Variants in SAMD12 observed in about 807,000 individuals in gnomAD.
The protein encoded by SAMD12 is sterile alpha motif domain containing 12, also known as sterile alpha motif domain-containing protein 12.
SAMD12 carries 9 observed loss-of-function variants against 15.0 expected under a neutral mutation model. The ratio of observed to expected loss-of-function variants is 0.60; its 90% confidence interval spans 0.36 to 1.05. SAMD12 has a LOEUF of 1.05. Ranked by LOEUF, SAMD12 falls within the 50% of genes least tolerant of loss-of-function variation. The pLI is 0.01. For synonymous variants in SAMD12, 86 were observed against 90.1 expected (o/e 0.96, Z 0.25); for missense variants, 230 against 234.2 (o/e 0.98, Z 0.12).
In SAMD12 at chr8:118,621,785, T is replaced by C; in HGVS notation, c.13+19A>G. 6.2e-7 allele frequency: 1 copy of C among 1,613,806 alleles called. No individual in the cohort carries two copies. The highest frequency in any genetic ancestry group is 1.3e-5 in the African/African-American group (1 of 75,036). ...CGCGGGTTAAGAGGGAGCTTAAAAA[T>C]GCCCCAAGCGTCCCTTACCTTCCAC... On this transcript the variant is annotated intron_variant, in intron 1 of 3. Coordinates refer to ENST00000314727, the MANE Select transcript of SAMD12 (RefSeq NM_207506.3).
At chr8:118,494,445 G>A (rs2131022932) in intron 2 of SAMD12, among the ~76,000 whole-genome samples, 1 of 152,294 alleles carries the variant, frequency 6.6e-6, no homozygotes, top group South Asian at 2.1e-4. Flanking sequence ...TGTGCTAAAT[G>A]TGTCATGCAT....
intron 2 of SAMD12, among the ~76,000 whole-genome samples, chr8:118,502,931 C>T (rs1367668750): frequency 6.6e-6 from 1 of 152,158 alleles, no homozygotes; most frequent in Non-Finnish European, 1.5e-5. Flanking sequence ...ATTTCTCCCC[C>T]CTTATGGAAG....
intron 3 of SAMD12, among the ~76,000 whole-genome samples, chr8:118,432,503 C>G (rs780127042): frequency 1.3e-5 from 2 of 152,200 alleles, no homozygotes; most frequent in African/African-American, 2.4e-5. Flanking sequence ...AGTTTCTAAC[C>G]TGGGAACCTA....
chr8:118,141,525 G>A, the SAMD12 span, among the ~76,000 whole-genome samples: 1 of 152,278 alleles, frequency 6.6e-6, no homozygotes, highest in Admixed American at 6.5e-5. Context: ...TTGAGCCAAT[G>A]CCCCATACAC....
intron 2 of SAMD12, among the ~76,000 whole-genome samples, chr8:118,486,219 C>T (rs758822440): frequency 6.6e-6 from 1 of 151,936 alleles, no homozygotes; most frequent in Non-Finnish European, 1.5e-5. Flanking sequence ...TAGAGACCAT[C>T]CTGGCTAACA....
At chr8:118,431,261 AC>A (rs767586656) in intron 3 of SAMD12, among the ~76,000 whole-genome samples, 11 of 152,128 alleles carry the variant, frequency 7.2e-5, no homozygotes, top group South Asian at 4.1e-4. Context: ...TATTGCTTTA[AC>A]CAGTTAGCCT....
At chr8:118,601,984 C>A (rs1827875017) in intron 1 of SAMD12, among the ~76,000 whole-genome samples, 1 of 152,170 alleles carries the variant, frequency 6.6e-6, no homozygotes, top group Non-Finnish European at 1.5e-5. Context: ...ATGCTTAAAT[C>A]AAGATCCAGA....
intron 4 of SAMD12, among the ~76,000 whole-genome samples, chr8:118,259,402 A>AT (rs1813026530): frequency 6.6e-6 from 1 of 152,078 alleles, no homozygotes; most frequent in Non-Finnish European, 1.5e-5. Context: ...GCAGTGGGGT[A>AT]GTGCCAATGG....
chr8:118,152,899 CATA>C, the SAMD12 span, among the ~76,000 whole-genome samples: 1 of 152,212 alleles, frequency 6.6e-6, no homozygotes, highest in African/African-American at 2.4e-5. Context: ...CAGCACCATT[CATA>C]ATCAGAAGTG....
intron 1 of SAMD12, chr8:118,621,517 C>T: frequency 2.0e-6 from 1 of 490,446 alleles, no homozygotes; most frequent in Non-Finnish European, 3.6e-6. Flanking sequence ...GATCCTCCGG[C>T]TTTCCCCCCA....
chr8:118,447,795 G>A (rs1042072675), intron 2 of SAMD12, among the ~76,000 whole-genome samples: 5 of 149,728 alleles, frequency 3.3e-5, no homozygotes, highest in African/African-American at 1.2e-4. Flanking sequence ...GCGCCATCTC[G>A]GCTCACTTCA....
chr8:118,290,166 A>T (rs1760003063), intron 4 of SAMD12, among the ~76,000 whole-genome samples: 1 of 152,230 alleles, frequency 6.6e-6, no homozygotes, highest in Admixed American at 6.5e-5. Flanking sequence ...CCTATTTGAT[A>T]TTAAGAAAAT....
intron 4 of SAMD12, among the ~76,000 whole-genome samples, chr8:118,340,235 A>G (rs775860463): frequency 3.9e-5 from 6 of 152,210 alleles, no homozygotes; most frequent in Non-Finnish European, 8.8e-5. Context: ...TGTCTTATTC[A>G]TAGACTCATC....
At chr8:118,404,718 A>G (rs1189812090) in intron 3 of SAMD12, among the ~76,000 whole-genome samples, 1 of 152,236 alleles carries the variant, frequency 6.6e-6, no homozygotes, top group African/African-American at 2.4e-5. Flanking sequence ...TGTAGCTTTA[A>G]CAAGCACCAT....
intron 3 of SAMD12, among the ~76,000 whole-genome samples, chr8:118,403,984 C>T (rs73311710): frequency 0.024 from 3,574 of 152,000 alleles, 143 homozygotes; most frequent in African/African-American, 0.08. Context: ...TTTTTGGTAC[C>T]TTTATTTTTT....
intron 4 of SAMD12, chr8:118,281,994 CT>C (rs1394562553): frequency 1.7e-5 from 5 of 289,776 alleles, no homozygotes; most frequent in Non-Finnish European, 3.4e-5. Context: ...TCAATAACCA[CT>C]GAAGACAGAT....
chr8:118,590,610 CAGTA>C (rs1827564836), intron 1 of SAMD12, among the ~76,000 whole-genome samples: 3 of 152,232 alleles, frequency 2.0e-5, no homozygotes, highest in Admixed American at 2.0e-4. Context: ...CTCTACCTGG[CAGTA>C]AGTAAGTGGT....
At chr8:118,598,466 C>T (rs775660386) in intron 1 of SAMD12, among the ~76,000 whole-genome samples, 3 of 152,214 alleles carry the variant, frequency 2.0e-5, no homozygotes, top group Non-Finnish European at 2.9e-5. Context: ...TGATCTTGGA[C>T]TTCCAGCCTC....
At chr8:118,384,427 C>G (rs960636255) in intron 3 of SAMD12, among the ~76,000 whole-genome samples, 2 of 152,154 alleles carry the variant, frequency 1.3e-5, no homozygotes, top group African/African-American at 4.8e-5. Context: ...TCACAGTCAT[C>G]TAAGCAGGAG....
Sources: gnomAD v4.1 joint callset for allele counts (sites outside exome capture counted in the v4.1 genomes callset) on GRCh38, gnomAD v4.1.1 for gene constraint, MANE v1.5 for transcripts, NCBI Gene and HGNC (gene_info 2026-07-23, HGNC 2026-07-21) for gene names.